BCAS3: variants seen among roughly 807,000 people sequenced by gnomAD.
BCAS3 encodes BCAS3 microtubule associated cell migration factor, also known as BCAS4/BCAS3 fusion.
A neutral mutation model predicts 116.1 loss-of-function variants in BCAS3; 53 were observed. The ratio of observed to expected loss-of-function variants is 0.46; its 90% CI spans 0.37 to 0.57. The LOEUF is 0.57. Ranked by LOEUF, BCAS3 falls within the 20% of genes least tolerant of loss-of-function variation. BCAS3 has a pLI of 0.00. For missense variants in BCAS3, 917 were observed against 1,165.4 expected, an observed-to-expected ratio of 0.79 and a Z score of 3.10; for synonymous variants, 391 against 408.2, an observed-to-expected ratio of 0.96 and a Z score of 0.51.
chr17:61,019,999 G>A lies in BCAS3; in HGVS notation c.1637+4098G>A, dbSNP rs964313766. Among the ~76,000 whole-genome samples the A allele has an allele frequency of 1.3e-5, 2 of 152,152 alleles. No individual in the cohort carries two copies. Among genetic ancestry groups the A allele is most frequent in the African/African-American group, 4.8e-5 (2 of 41,418 alleles). On this transcript the variant is annotated intron_variant, in intron 16 of 23. Coordinates refer to ENST00000407086, the MANE Select transcript of BCAS3 (RefSeq NM_017679.5). This position sits in a 1 kb window ranked among gnomAD's most constrained non-coding sequence, Gnocchi z 5.6. ...CTTATAGACAGGTAAATTATATTCT[G>A]TTTTCAATATACCTGATAATGTAGT...
chr17:61,199,362 G>A lies in BCAS3; in HGVS notation c.2425+114798G>A, dbSNP rs927617044. 6.6e-6 allele frequency among the ~76,000 whole-genome samples: 1 copy of A among 152,136 alleles called. No individual in the cohort carries two copies. The highest frequency in any genetic ancestry group is 1.5e-5 in the Non-Finnish European group (1 of 68,032). ...CCTGTCAAACATTAGAAAAACACAG[G>A]TGGGCACCTAGTGCATGGTGTTACA... On this transcript the variant is annotated intron_variant, in intron 22 of 23. Transcript: ENST00000407086. This position sits in a 1 kb window ranked among gnomAD's most constrained non-coding sequence, Gnocchi z 4.6.
chr17:60,785,620 G>T (rs1279530969), intron 6 of BCAS3, among the ~76,000 whole-genome samples: 1 of 152,208 alleles, frequency 6.6e-6, no homozygotes, highest in African/African-American at 2.4e-5. Context: ...ATATTATGAA[G>T]CGATTAAATA....
intron 12 of BCAS3, among the ~76,000 whole-genome samples, chr17:60,916,021 G>A (rs2145123578): frequency 6.6e-6 from 1 of 152,204 alleles, no homozygotes; most frequent in East Asian, 1.9e-4. Flanking sequence ...GTATTCCATT[G>A]TATGAATGTG....
At chr17:60,761,991 G>A (rs1476023930) in intron 6 of BCAS3, among the ~76,000 whole-genome samples, 1 of 152,108 alleles carries the variant, frequency 6.6e-6, no homozygotes, top group Non-Finnish European at 1.5e-5. Flanking sequence ...TCTGTTGGCT[G>A]CATAAATGTC....
intron 7 of BCAS3, among the ~76,000 whole-genome samples, chr17:60,854,855 C>G (rs1187935167): frequency 3.3e-5 from 5 of 151,694 alleles, no homozygotes; most frequent in African/African-American, 9.7e-5. Context: ...AACCTGGCAG[C>G]AAGTTGCCCT....
chr17:61,277,572 G>A (rs2050875050), intron 22 of BCAS3, among the ~76,000 whole-genome samples: 1 of 152,034 alleles, frequency 6.6e-6, no homozygotes, highest in African/African-American at 2.4e-5. Flanking sequence ...CACAAAATGG[G>A]AGAAAATTTT....
chr17:61,114,127 A>G (rs930248442), intron 22 of BCAS3, among the ~76,000 whole-genome samples: 3 of 143,022 alleles, frequency 2.1e-5, no homozygotes, highest in African/African-American at 7.7e-5. Flanking sequence ...CCCACAGCCA[A>G]TATCATACTG....
At chr17:60,697,207 A>T (rs1172305035) in intron 4 of BCAS3, among the ~76,000 whole-genome samples, 2 of 151,332 alleles carry the variant, frequency 1.3e-5, no homozygotes, top group Non-Finnish European at 1.5e-5. Context: ...ATGAATGAAT[A>T]AATGAGGGAG....
intron 22 of BCAS3, among the ~76,000 whole-genome samples, chr17:61,295,649 C>T (rs751258676): frequency 2.6e-5 from 4 of 152,024 alleles, no homozygotes; most frequent in South Asian, 4.2e-4. Context: ...CCATGGTTGC[C>T]GTTTGAAATT....
At position 61,063,030 on chromosome 17, in the gene BCAS3, T is replaced by C. The variant is rs2070227497; in HGVS notation, c.2030-11890T>C. ...TTCCCACCAAAGCTTTGGCTAATTT[T>C]CTCAAAGCATTCTCATAATCAACAG... is the stretch of plus-strand genomic sequence containing the variant. On this transcript the variant is annotated intron_variant, in intron 19 of 23. Coordinates refer to ENST00000407086, the MANE Select transcript of BCAS3 (RefSeq NM_017679.5). This position sits in a 1 kb window ranked among gnomAD's most constrained non-coding sequence, Gnocchi z 5.3. Among the ~76,000 whole-genome samples, 1 of 152,162 alleles carries C rather than the reference T, an allele frequency of 6.6e-6. No individual in the cohort carries two copies. Among genetic ancestry groups the C allele is most frequent in the African/African-American group, 2.4e-5 (1 of 41,434 alleles).
Position 60,679,499 on chromosome 17 carries a change from T to G in BCAS3, c.42T>G (p.Ser14Arg). 1 of 1,614,096 alleles carries G rather than the reference T, an allele frequency of 6.2e-7. No homozygotes were observed. Among genetic ancestry groups the G allele is most frequent in the Non-Finnish European group, 8.5e-7 (1 of 1,179,970 alleles). Reference sequence around the variant, plus strand: ...CTACAGATTCCCCAAGAAGACCCAGTCGTTGTACTGGTGGAGTTGTGGTTC... The same window carrying G: ...CTACAGATTCCCCAAGAAGACCCAGGCGTTGTACTGGTGGAGTTGTGGTTC... The part of the protein sequence containing the change: ...AMATDSPRRP[S>R]RCTGGVVVRP... Residue 14 changes from serine to arginine, a missense_variant, in exon 2 of 24, where the codon AGT becomes AGG. Physicochemically the swap from Ser to Arg is moderately radical, Grantham distance 110. Around this residue, in one of 3 missense-constraint regions of BCAS3, gnomAD observed 807 missense variants for 1,026.0 expected, o/e 0.79. Coordinates refer to ENST00000407086, the MANE Select transcript of BCAS3 (RefSeq NM_017679.5).
At position 61,381,054 on chromosome 17, in the gene BCAS3, C is replaced by T. The variant is rs1002940467; in HGVS notation, c.2594-10923C>T. Among the ~76,000 whole-genome samples the T allele has an allele frequency of 5.3e-5, 8 of 152,316 alleles. No homozygotes were observed. Among genetic ancestry groups the T allele is most frequent in the Non-Finnish European group, 1.0e-4 (7 of 68,038 alleles). On this transcript the variant is annotated intron_variant, in intron 23 of 23. Transcript: ENST00000407086. This position sits in a 1 kb window ranked among gnomAD's most constrained non-coding sequence, Gnocchi z 6.0. ...CACTTGTTGTCTGCGCTTGTCTGTC[C>T]ATTTATACAACCTAATGTAACACAA...
chr17:60,974,985 TTTTTTG>T (rs2062212676), intron 14 of BCAS3, among the ~76,000 whole-genome samples: 1 of 138,318 alleles, frequency 7.2e-6, no homozygotes, highest in African/African-American at 3.5e-5. Flanking sequence ...TTTTTTTGTT[TTTTTTG>T]CTTTTTTGTT....
chr17:60,715,543 C>T (rs895612397), intron 5 of BCAS3, among the ~76,000 whole-genome samples: 1 of 152,030 alleles, frequency 6.6e-6, no homozygotes, highest in Non-Finnish European at 1.5e-5. Context: ...GGCTAGAGTG[C>T]AGTAGCGCAA....
rs2082141511 is a variant in BCAS3 at position 61,222,080 on chromosome 17, T to G, written c.2425+137516T>G. 6.6e-6 allele frequency among the ~76,000 whole-genome samples: 1 copy of G among 152,224 alleles called. No individual in the cohort carries two copies. Among genetic ancestry groups the G allele is most frequent in the Admixed American group, 6.5e-5 (1 of 15,280 alleles). ...TCACTAAGTGTACATATGATCCCTC[T>G]GTGTGTTCAAAGTGCATAATTTTAG... On this transcript the variant is annotated intron_variant, in intron 22 of 23. Coordinates refer to ENST00000407086, the MANE Select transcript of BCAS3 (RefSeq NM_017679.5). The surrounding 1 kb of genome is among the most constrained non-coding windows in gnomAD (Gnocchi z 6.1).
intron 11 of BCAS3, among the ~76,000 whole-genome samples, chr17:60,907,084 T>C (rs2058228795): frequency 6.6e-6 from 1 of 152,196 alleles, no homozygotes; most frequent in African/African-American, 2.4e-5. Context: ...CATATGTACT[T>C]GGAGCTCCTT....
chr17:60,822,312 T>A (rs1262713783), intron 7 of BCAS3, among the ~76,000 whole-genome samples: 1 of 152,232 alleles, frequency 6.6e-6, no homozygotes, highest in Non-Finnish European at 1.5e-5. Context: ...CAGTGGTGTG[T>A]CATTATGGCA....
intron 4 of BCAS3, among the ~76,000 whole-genome samples, chr17:60,701,233 G>A (rs1234036029): frequency 2.0e-5 from 3 of 151,294 alleles, no homozygotes; most frequent in Non-Finnish European, 4.4e-5. Context: ...GATGGAGTGA[G>A]TCTGTCTCCA....
intron 5 of BCAS3, among the ~76,000 whole-genome samples, chr17:60,716,165 A>G (rs1297392077): frequency 6.6e-6 from 1 of 152,228 alleles, no homozygotes; most frequent in Non-Finnish European, 1.5e-5. Context: ...ACAGCCACGA[A>G]CTATGAAGAT....
Sources: gnomAD v4.1 joint callset for allele counts (sites outside exome capture counted in the v4.1 genomes callset) on GRCh38, gnomAD v4.1.1 for gene constraint, gnomAD v4.1.1 regional missense constraint, Gnocchi (gnomAD v3.1) non-coding constraint, MANE v1.5 for transcripts, NCBI Gene and HGNC (gene_info 2026-07-23, HGNC 2026-07-21) for gene names.